PCMTD1: variants seen among roughly 807,000 people sequenced by gnomAD.
PCMTD1 encodes the protein protein-L-isoaspartate (D-aspartate) O-methyltransferase domain containing 1.
Under a neutral mutation model 37.6 loss-of-function variants are expected in PCMTD1, and 12 were observed. That is an observed-to-expected ratio of 0.32 (90% CI 0.20 to 0.52). The LOEUF is 0.52. Among genes scored for constraint, PCMTD1 ranks in the 20% least tolerant of loss-of-function variants. PCMTD1 has a pLI of 0.97. For missense variants in PCMTD1, 235 were observed against 421.3 expected (o/e 0.56, Z 3.87); for synonymous variants, 117 against 135.8 (o/e 0.86, Z 0.96).
upstream of PCMTD1, chr8:51,899,142 C>G: frequency 2.2e-6 from 3 of 1,360,500 alleles, no homozygotes; most frequent in Non-Finnish European, 2.8e-6. Flanking sequence ...AGGGGCAGCT[C>G]CCCGCGGACG....
chr8:51,867,154 C>A (rs2038566302), intron 1 of PCMTD1, among the ~76,000 whole-genome samples: 1 of 151,962 alleles, frequency 6.6e-6, no homozygotes, highest in Admixed American at 6.6e-5. Context: ...CACTTTACAC[C>A]TGTCAGAATG....
chr8:51,820,752 AT>A (rs758254585), intron 5 of PCMTD1, 34 bp from the exon 6 acceptor site: 8 of 1,531,732 alleles, frequency 5.2e-6, no homozygotes, highest in Non-Finnish European at 7.0e-6. Flanking sequence ...GAAAGAAAAT[AT>A]TAACAATAAA....
At chr8:51,847,383 T>G (rs1387617309) in intron 2 of PCMTD1, among the ~76,000 whole-genome samples, 1 of 152,210 alleles carries the variant, frequency 6.6e-6, no homozygotes, top group Non-Finnish European at 1.5e-5. Context: ...TCCCAGCACT[T>G]TGGGAGGCCA....
chr8:51,844,880 A>T (rs2038196287), intron 3 of PCMTD1: 1 of 152,146 alleles, frequency 6.6e-6, no homozygotes, highest in South Asian at 2.1e-4. Context: ...TTTGCCTAAA[A>T]CTTTGTTCTT....
intron 1 of PCMTD1, among the ~76,000 whole-genome samples, chr8:51,876,944 C>T (rs1018093445): frequency 6.6e-6 from 1 of 152,042 alleles, no homozygotes; most frequent in Non-Finnish European, 1.5e-5. Context: ...GGATTATCTG[C>T]GTAATCTCAA....
chr8:51,852,730 T>C (rs1408911194), intron 2 of PCMTD1, among the ~76,000 whole-genome samples: 2 of 152,216 alleles, frequency 1.3e-5, no homozygotes, highest in Non-Finnish European at 2.9e-5. Context: ...CCTGTGATTA[T>C]GTTACCTACT....
At chr8:51,828,690 GC>G (rs1457951929) in intron 5 of PCMTD1, among the ~76,000 whole-genome samples, 4 of 152,136 alleles carry the variant, frequency 2.6e-5, no homozygotes, top group African/African-American at 9.7e-5. Context: ...GGTTTATCTG[GC>G]CATAGTTCCA....
intron 1 of PCMTD1, among the ~76,000 whole-genome samples, chr8:51,862,374 TCACACA>T: frequency 8.4e-6 from 1 of 119,142 alleles, no homozygotes; most frequent in African/African-American, 2.6e-5. Flanking sequence ...ACACACACAC[TCACACA>T]CACATACACT....
intron 3 of PCMTD1, among the ~76,000 whole-genome samples, chr8:51,837,532 T>C (rs1393584925): frequency 6.6e-6 from 1 of 152,184 alleles, no homozygotes; most frequent in Non-Finnish European, 1.5e-5. Context: ...CCAATTTTAG[T>C]GTCCTAAGGA....
intron 1 of PCMTD1, among the ~76,000 whole-genome samples, chr8:51,874,107 C>G (rs1467029282): frequency 6.6e-6 from 1 of 152,008 alleles, no homozygotes; most frequent in Non-Finnish European, 1.5e-5. Context: ...ACCATGTTGG[C>G]CAAGATGGTC....
chr8:51,853,518 T>C (rs2038339267), intron 2 of PCMTD1, among the ~76,000 whole-genome samples: 1 of 152,198 alleles, frequency 6.6e-6, no homozygotes, highest in Non-Finnish European at 1.5e-5. Flanking sequence ...TCAATTGTCA[T>C]TATTTACTGT....
chr8:51,895,619 G>T (rs1341419297), intron 1 of PCMTD1, among the ~76,000 whole-genome samples: 1 of 152,074 alleles, frequency 6.6e-6, no homozygotes, highest in Non-Finnish European at 1.5e-5. Flanking sequence ...TAATTTTTGA[G>T]AATACACATA....
chr8:51,898,076 A>G (rs926636821), intron 1 of PCMTD1, among the ~76,000 whole-genome samples: 141 of 152,272 alleles, frequency 9.3e-4, no homozygotes, highest in African/African-American at 3.2e-3. Context: ...TGTTTTTCTC[A>G]AGGAGCAAGC....
At chr8:51,837,739 C>G (rs557377084) in intron 3 of PCMTD1, among the ~76,000 whole-genome samples, 6 of 152,184 alleles carry the variant, frequency 3.9e-5, no homozygotes. Context: ...GAATCTTAGA[C>G]GTTTTGTATT....
intron 1 of PCMTD1, among the ~76,000 whole-genome samples, chr8:51,882,323 CTTAA>C (rs1585851471): frequency 6.6e-6 from 1 of 152,176 alleles, no homozygotes; most frequent in Non-Finnish European, 1.5e-5. Context: ...CCATTATGAT[CTTAA>C]TTACTTCCTC....
intron 2 of PCMTD1, chr8:51,849,214 A>G (rs1374021498): frequency 1.3e-5 from 2 of 152,200 alleles, no homozygotes; most frequent in East Asian, 1.9e-4. Context: ...ATTTGCGTGT[A>G]TAACTTTTTC....
intron 1 of PCMTD1, among the ~76,000 whole-genome samples, chr8:51,865,308 A>G (rs1395608056): frequency 1.3e-5 from 2 of 152,108 alleles, no homozygotes; most frequent in African/African-American, 4.8e-5. Context: ...TGAAGAGAAT[A>G]CCTACAAACT....
At chr8:51,870,839 T>C (rs1343237690) in intron 1 of PCMTD1, among the ~76,000 whole-genome samples, 1 of 152,252 alleles carries the variant, frequency 6.6e-6, no homozygotes, top group African/African-American at 2.4e-5. Flanking sequence ...TTTTTCCTTT[T>C]AGTACTCTCA....
At chr8:51,863,562 G>A (rs2038505735) in intron 1 of PCMTD1, among the ~76,000 whole-genome samples, 1 of 152,202 alleles carries the variant, frequency 6.6e-6, no homozygotes, top group Admixed American at 6.5e-5. Flanking sequence ...GTGGGTGGGT[G>A]GATCACCTGA....
Sources: gnomAD v4.1 joint callset for allele counts (sites outside exome capture counted in the v4.1 genomes callset) on GRCh38, gnomAD v4.1.1 for gene constraint, MANE v1.5 for transcripts, NCBI Gene and HGNC (gene_info 2026-07-23, HGNC 2026-07-21) for gene names.